Variants in HNRNPL observed in about 807,000 individuals in gnomAD.
HNRNPL encodes heterogeneous nuclear ribonucleoprotein L, also known as epididymis secretory sperm binding protein.
A neutral mutation model predicts 64.0 loss-of-function variants in HNRNPL; 12 were observed. The ratio of observed to expected loss-of-function variants is 0.19; its 90% CI spans 0.12 to 0.30. The LOEUF is 0.30. Among genes scored for constraint, HNRNPL ranks in the 10% least tolerant of loss-of-function variants. The probability of loss-of-function intolerance (pLI) is 1.00; values close to 1 mark genes in which losing one functional copy is unlikely to be tolerated. For missense variants in HNRNPL, 484 were observed against 797.4 expected, an observed-to-expected ratio of 0.61 and a Z score of 4.73; for synonymous variants, 385 against 313.0, an observed-to-expected ratio of 1.23 and a Z score of -2.43.
chr19:38,844,516 A>T (rs985975973), intron 4 of HNRNPL, among the ~76,000 whole-genome samples: 7 of 151,926 alleles, frequency 4.6e-5, no homozygotes, highest in African/African-American at 1.7e-4. Context: ...ATGCCCTAAA[A>T]GCTTCTTCCA....
At chr19:38,843,656 G>A in intron 6 of HNRNPL, 186 bp downstream of exon 6, 2 of 605,144 alleles carry the variant, frequency 3.3e-6, no homozygotes, top group East Asian at 2.8e-5. Context: ...CCAAGCAGCA[G>A]TGAAGACCCA....
chr19:38,841,605 T>C, intron 6 of HNRNPL: 2 of 1,235,908 alleles, frequency 1.6e-6, no homozygotes. Flanking sequence ...ATCTGTATTT[T>C]CTCTTACCAT....
intron 10 of HNRNPL, 133 bp from the exon 11 acceptor site, chr19:38,837,784 C>T: frequency 1.4e-6 from 1 of 700,798 alleles, no homozygotes; most frequent in Non-Finnish European, 2.4e-6. Flanking sequence ...TTATCACATA[C>T]CCTAAGGCAT....
chr19:38,842,971 G>C (rs1273614925), intron 6 of HNRNPL, among the ~76,000 whole-genome samples: 1 of 152,214 alleles, frequency 6.6e-6, no homozygotes, highest in Non-Finnish European at 1.5e-5. Context: ...GGAGCAGCCA[G>C]GCCCACAGGG....
chr19:38,850,049 G>A (rs966010699), upstream of HNRNPL: 2 of 1,187,858 alleles, frequency 1.7e-6, no homozygotes, highest in Admixed American at 4.1e-5. Context: ...GATAGGGGGA[G>A]CCACTGGTCC....
intron 10 of HNRNPL, 34 bp from the exon 11 acceptor site, chr19:38,837,685 A>C: frequency 6.3e-7 from 1 of 1,598,596 alleles, no homozygotes. Flanking sequence ...ATGAACTCTG[A>C]AACAAAAGGG....
Position 38,849,722 on chromosome 19 carries a change from G to T in HNRNPL, c.245C>A (p.Ala82Glu). ...CACCCCACCGCCGCCGCCGCCCGCC[G>T]CCCCGGCTCCTCCACCGCCACCGCC... Reference protein sequence around the residue: ...GGGGGGGGAGAAGGGGGGENY... With the variant: ...GGGGGGGGAGEAGGGGGGENY... Residue 82 changes from alanine (A) to glutamate (E), a missense_variant, in exon 1 of 13, where the codon GCG becomes GAG. Physicochemically the swap from Ala to Glu is moderately radical, Grantham distance 107. Around this residue, in one of 9 missense-constraint regions of HNRNPL, gnomAD observed 190 missense variants for 160.1 expected, o/e 1.19. Transcript: ENST00000221419. 7.3e-7 allele frequency: 1 copy of T among 1,368,608 alleles called. No homozygotes were observed. The allele number at this position is 1,368,608 out of a possible 1,614,324, so 84.8% of individuals were successfully genotyped here.
chr19:38,845,248 G>A (rs78601725), intron 4 of HNRNPL: 14,634 of 107,478 alleles, frequency 0.14, 889 homozygotes, highest in South Asian at 0.27. Flanking sequence ...ATTAGCAGGC[G>A]CCTATAATCC....
intron 6 of HNRNPL, among the ~76,000 whole-genome samples, chr19:38,842,708 C>T (rs1242659590): frequency 6.6e-6 from 1 of 152,024 alleles, no homozygotes; most frequent in African/African-American, 2.4e-5. Context: ...GGCGAAGCAC[C>T]GCCCTCACTC....
At chr19:38,840,800 A>G (rs1015103660) in intron 6 of HNRNPL, 4 of 532,238 alleles carry the variant, frequency 7.5e-6, no homozygotes, top group Non-Finnish European at 1.3e-5. Context: ...TCTGTGAAGG[A>G]CAAGGCCAGA....
upstream of HNRNPL, chr19:38,850,088 C>T (rs1972461522): frequency 1.2e-5 from 9 of 737,680 alleles, no homozygotes; most frequent in South Asian, 2.2e-4. Context: ...GGCCGCCACA[C>T]GCCTTGCGCG....
At chr19:38,849,638 C>T in intron 1 of HNRNPL, 62 bp downstream of exon 1, 8 of 1,305,766 alleles carry the variant, frequency 6.1e-6, no homozygotes, top group South Asian at 2.5e-5. Flanking sequence ...ATAAAATGCC[C>T]TCAAGCTGGG....
chr19:38,847,002 A>G (rs1028201079), intron 2 of HNRNPL, among the ~76,000 whole-genome samples: 18 of 152,096 alleles, frequency 1.2e-4, no homozygotes, highest in African/African-American at 4.3e-4. Context: ...GCCGAGGCAG[A>G]AGGACTGCCT....
rs987160438 is a variant in HNRNPL at position 38,849,794 on chromosome 19, G to A, written c.173C>T (p.Pro58Leu). ...YGGGSEGGRA[P>L]KRLKTDNAGD... ...GGCGTTGTCAGTCTTGAGCCGCTTA[G>A]GGGCCCGGCCGCCCTCACTGCCGCC... The change falls in exon 1 of 13, where the codon CCT becomes CTT. Residue 58 changes from proline to leucine, a missense_variant. Around this residue, in one of 9 missense-constraint regions of HNRNPL, gnomAD observed 190 missense variants for 160.1 expected, o/e 1.19. Transcript: ENST00000221419. 2.2e-6 allele frequency: 3 copies of A among 1,391,992 alleles called. No homozygotes were observed. Among genetic ancestry groups the A allele is most frequent in the Non-Finnish European group, 2.9e-6 (3 of 1,036,654 alleles). The allele number at this position is 1,391,992 out of a possible 1,614,324, so 86.2% of individuals were successfully genotyped here.
intron 1 of HNRNPL, among the ~76,000 whole-genome samples, chr19:38,848,122 ACT>A (rs1972363104): frequency 6.6e-6 from 1 of 152,026 alleles, no homozygotes; most frequent in South Asian, 2.1e-4. Flanking sequence ...ATGGAGTCTC[ACT>A]CTGTCACCCA....
chr19:38,839,374 T>G (rs1201931298), intron 8 of HNRNPL: 7 of 249,070 alleles, frequency 2.8e-5, no homozygotes, highest in South Asian at 2.2e-4. Flanking sequence ...AAAATACTCC[T>G]TCAGCTGGGT....
chr19:38,847,247 A>G, intron 2 of HNRNPL, 69 bp downstream of exon 2: 1 of 699,964 alleles, frequency 1.4e-6, no homozygotes. Context: ...CCAACCAGAA[A>G]TCGTGGACAC....
upstream of HNRNPL, among the ~76,000 whole-genome samples, chr19:38,851,553 C>A (rs1001901955): frequency 6.6e-6 from 1 of 152,164 alleles, no homozygotes; most frequent in Non-Finnish European, 1.5e-5. Flanking sequence ...GCTCCAGGAC[C>A]TTTCTGCCCG....
chr19:38,839,109 G>T, intron 8 of HNRNPL, 94 bp from the exon 9 acceptor site: 1 of 1,486,680 alleles, frequency 6.7e-7, no homozygotes, highest in Non-Finnish European at 9.3e-7. Context: ...CCCTGCTCTG[G>T]CCTCCCATGT....
Sources: gnomAD v4.1 joint callset for allele counts (sites outside exome capture counted in the v4.1 genomes callset) on GRCh38, gnomAD v4.1.1 for gene constraint, gnomAD v4.1.1 regional missense constraint, MANE v1.5 for transcripts, NCBI Gene and HGNC (gene_info 2026-07-23, HGNC 2026-07-21) for gene names.